The following FLVCR1 variants were observed in gnomAD, a reference collection of about 807,000 sequenced individuals.
FLVCR1 encodes the protein choline/ethanolamine transporter FLVCR1.
In FLVCR1, 34 loss-of-function variants were observed where a neutral mutation model predicts 53.6. That is an observed-to-expected ratio of 0.63 (90% CI 0.48 to 0.84). FLVCR1 has a LOEUF of 0.84. Ranked by LOEUF, FLVCR1 falls within the 40% of genes least tolerant of loss-of-function variation. The probability of loss-of-function intolerance (pLI) is 0.00; values close to 1 mark genes in which losing one functional copy is unlikely to be tolerated. For missense variants in FLVCR1, 677 were observed against 696.7 expected (o/e 0.97, Z 0.32); for synonymous variants, 300 against 286.3 (o/e 1.05, Z -0.48).
At position 212,883,465 on chromosome 1, in the gene FLVCR1, A is replaced by C. The variant is rs140925894; in HGVS notation, c.1092+27A>C. 18 of 1,360,794 alleles carry C rather than the reference A, an allele frequency of 1.3e-5. No homozygotes were observed. The Admixed American group carries it at 3.1e-4, about 23-fold the overall frequency. The allele number at this position is 1,360,794 out of a possible 1,614,324, so 84.3% of individuals were successfully genotyped here. ...TAAGCTTCTGCTTATATCAGATTGC[A>C]TGCCTGGCCAAAAATTTTTCTTTAG... On this transcript the variant is annotated intron_variant, in intron 4 of 9. Coordinates refer to ENST00000366971, the MANE Select transcript of FLVCR1 (RefSeq NM_014053.4).
chr1:212,888,044 A>G, intron 6 of FLVCR1, 43 bp downstream of exon 6: 1 of 1,122,714 alleles, frequency 8.9e-7, no homozygotes, highest in South Asian at 1.2e-5. Context: ...GCATGCTGTT[A>G]TAATTCTGAA....
chr1:212,878,815 C>T (rs1038236435), intron 3 of FLVCR1, among the ~76,000 whole-genome samples: 7 of 151,792 alleles, frequency 4.6e-5, no homozygotes, highest in Admixed American at 2.0e-4. Context: ...GTGGCAAAAC[C>T]TCATCTCTAC....
intron 5 of FLVCR1, 181 bp downstream of exon 5, chr1:212,885,577 G>GTTTT: frequency 2.7e-6 from 1 of 375,778 alleles, no homozygotes; most frequent in South Asian, 2.5e-5. Context: ...TTGAGACGGA[G>GTTTT]TCTCGTTCTG....
Position 212,899,242 on chromosome 1 carries a change from C to G in FLVCR1, c.*3952C>G, listed in dbSNP as rs1480174270. Reference sequence around the variant, plus strand: ...GTAAAAATGTGTCTGTATGCAATAGCTAGAAAAATGCCTGTGTCTTAAGTC... The same window carrying G: ...GTAAAAATGTGTCTGTATGCAATAGGTAGAAAAATGCCTGTGTCTTAAGTC... On this transcript the variant is annotated 3_prime_UTR_variant, in exon 10 of 10. Coordinates refer to ENST00000366971, the MANE Select transcript of FLVCR1 (RefSeq NM_014053.4). 2 of 152,152 alleles carry G rather than the reference C, an allele frequency of 1.3e-5. No individual in the cohort carries two copies. Among genetic ancestry groups the G allele is most frequent in the Non-Finnish European group, 2.9e-5 (2 of 68,034 alleles). The allele number at this position is 152,152 out of a possible 1,614,324, so 9.4% of individuals were successfully genotyped here.
At chr1:212,861,435 C>T (rs185134657) in intron 1 of FLVCR1, among the ~76,000 whole-genome samples, 149 of 152,270 alleles carry the variant, frequency 9.8e-4, no homozygotes, top group Non-Finnish European at 1.8e-3. Flanking sequence ...ACTCTCTTAG[C>T]TACCATGATC....
intron 3 of FLVCR1, among the ~76,000 whole-genome samples, chr1:212,877,331 C>G (rs1434546120): frequency 6.6e-6 from 1 of 151,620 alleles, no homozygotes; most frequent in African/African-American, 2.4e-5. Context: ...GATCAGTACT[C>G]CCTCCCGAGT....
chr1:212,873,584 T>C (rs1164122969), intron 3 of FLVCR1, among the ~76,000 whole-genome samples: 2 of 152,374 alleles, frequency 1.3e-5, no homozygotes, highest in East Asian at 3.9e-4. Context: ...TCAGGATAGC[T>C]GACAGATATT....
chr1:212,881,496 G>A (rs1211950933), intron 3 of FLVCR1, among the ~76,000 whole-genome samples: 3 of 151,780 alleles, frequency 2.0e-5, no homozygotes, highest in Non-Finnish European at 2.9e-5. Flanking sequence ...ACACCACTGC[G>A]CCTGGCTAAT....
At position 212,896,125 on chromosome 1, in the gene FLVCR1, A is replaced by G. The variant is rs1572032332; in HGVS notation, c.*835A>G. On this transcript the variant is annotated 3_prime_UTR_variant, in exon 10 of 10. Transcript: ENST00000366971. Reference sequence around the variant, plus strand: ...GTACCCATTGCCTTTTTTTTCTTTTAAACTCTCTTTTTTTTTTTTTCCTGA... The same window carrying G: ...GTACCCATTGCCTTTTTTTTCTTTTGAACTCTCTTTTTTTTTTTTTCCTGA... 2.0e-5 allele frequency: 3 copies of G among 148,252 alleles called. 1 individual carries two copies. The highest frequency in any genetic ancestry group is 5.0e-5 in the African/African-American group (2 of 40,182). 9.2% of individuals were successfully genotyped at this position (148,252 alleles called of 1,614,324 possible). A position where few individuals can be genotyped will look rare whatever the true frequency, so the allele number is the denominator to read the frequency against.
At chr1:212,863,582 C>CAAA (rs3086478) in intron 1 of FLVCR1, 143 bp from the exon 2 acceptor site, 73,948 of 587,564 alleles carry the variant, frequency 0.13, 1,157 homozygotes, top group East Asian at 0.15. Context: ...GACTTTGTCT[C>CAAA]AAAAAAAAAA....
chr1:212,879,765 C>T (rs1664870802), intron 3 of FLVCR1, among the ~76,000 whole-genome samples: 1 of 152,074 alleles, frequency 6.6e-6, no homozygotes, highest in Admixed American at 6.6e-5. Flanking sequence ...CCATGTTGCC[C>T]AGGCTGGTCT....
At chr1:212,892,028 GT>G (rs1402767897) in intron 8 of FLVCR1, among the ~76,000 whole-genome samples, 29 of 152,216 alleles carry the variant, frequency 1.9e-4, no homozygotes, top group Non-Finnish European at 3.5e-4. Context: ...TTCTGTGAAC[GT>G]TGAAAGAGGT....
rs200753135 is a variant in FLVCR1, at chr1:212,892,649, AAC to A, written c.1526-2333_1526-2332del. On this transcript the variant is annotated intron_variant, in intron 8 of 9. Coordinates refer to ENST00000366971, the MANE Select transcript of FLVCR1 (RefSeq NM_014053.4). ...GATCAATGTTGCTTTCATGTCTGGA[AAC>A]ACAGCATCCCTTCTGCAGCCCGTGG... 4.7e-4 allele frequency among the ~76,000 whole-genome samples: 71 copies of A among 152,322 alleles called. No homozygotes were observed. The East Asian group carries it at 0.013, about 29-fold the overall frequency.
chr1:212,863,905 G>A (rs1664326030), intron 2 of FLVCR1, 36 bp downstream of exon 2: 2 of 1,565,210 alleles, frequency 1.3e-6, no homozygotes, highest in Non-Finnish European at 1.8e-6. Flanking sequence ...TTAAATGAAT[G>A]CATGATAGAA....
Position 212,889,178 on chromosome 1 carries a change from A to T in FLVCR1, c.1446A>T (p.Gly482=). The change falls in exon 8 of 10, where the codon GGA becomes GGT. Residue 482 remains glycine, a synonymous_variant. Transcript: ENST00000366971. The part of the protein sequence containing the change: ...IFGILFTLAQ[G]KLTSDYGPKA... ...GAATTTTGTTCACATTGGCTCAAGG[A>T]AAGCTCACATCAGACTATGGTCCTA... 1 of 1,613,684 alleles carries T rather than the reference A, an allele frequency of 6.2e-7. No individual in the cohort carries two copies. The highest frequency in any genetic ancestry group is 8.5e-7 in the Non-Finnish European group (1 of 1,179,654).
rs377066869 is a variant in FLVCR1 at position 212,864,689 on chromosome 1, C to A, written c.883+820C>A. ...AGAACTAATAAAGTTGAAATGCCAT[C>A]TTTTAATCATTCAAATTTATAATTT... On this transcript the variant is annotated intron_variant, in intron 2 of 9. Transcript: ENST00000366971. Among the ~76,000 whole-genome samples, 98 of 152,262 alleles carry A rather than the reference C, an allele frequency of 6.4e-4. 1 individual carries two copies. In the South Asian group the frequency reaches 0.019, roughly 29 times the overall value.
At chr1:212,861,237 A>T (rs957771717) in intron 1 of FLVCR1, among the ~76,000 whole-genome samples, 1 of 152,196 alleles carries the variant, frequency 6.6e-6, no homozygotes, top group Non-Finnish European at 1.5e-5. Flanking sequence ...ATAGTTTCTC[A>T]CAAGGTCGTG....
chr1:212,889,255 C>T lies in FLVCR1; in HGVS notation c.1523C>T (p.Thr508Ile). The T allele has an allele frequency of 6.3e-7, 1 of 1,597,250 alleles. No homozygotes were observed. Among genetic ancestry groups the T allele is most frequent in the African/African-American group, 1.3e-5 (1 of 74,676 alleles). Residue 508 changes from threonine to isoleucine, a missense_variant and splice_region_variant, in exon 8 of 10, where the codon ACA becomes ATA. Thr to Ile is a moderately conservative substitution (Grantham distance 89). Coordinates refer to ENST00000366971, the MANE Select transcript of FLVCR1 (RefSeq NM_014053.4). ...TGGATGTTTATAGGCATCATATTAA[C>T]AGGTAAATTAGGGCGTTTGCCTGGC... Reference protein sequence around the residue: ...CVWMFIGIILTALIKSDLRRH... With the variant: ...CVWMFIGIILIALIKSDLRRH...
rs1665342044 is a variant in FLVCR1, at chr1:212,896,675, T to C, written c.*1385T>C. ...AGGTAATGAATACCCTTGAAGTGAA[T>C]AGCAATTTTGATTTAGGCAGTGTGT... is the stretch of plus-strand genomic sequence containing the variant. On this transcript the variant is annotated 3_prime_UTR_variant, in exon 10 of 10. Coordinates refer to ENST00000366971, the MANE Select transcript of FLVCR1 (RefSeq NM_014053.4). The C allele has an allele frequency of 6.6e-6, 1 of 151,926 alleles. No homozygotes were observed. The highest frequency in any genetic ancestry group is 2.4e-5 in the African/African-American group (1 of 41,356). The allele number at this position is 151,926 out of a possible 1,614,324, so 9.4% of individuals were successfully genotyped here. A position where few individuals can be genotyped will look rare whatever the true frequency, so the allele number is the denominator to read the frequency against.
Sources: gnomAD v4.1 joint callset for allele counts (sites outside exome capture counted in the v4.1 genomes callset) on GRCh38, gnomAD v4.1.1 for gene constraint, MANE v1.5 for transcripts, NCBI Gene and HGNC (gene_info 2026-07-23, HGNC 2026-07-21) for gene names.